CNTN4: variants seen among roughly 807,000 people sequenced by gnomAD.
CNTN4 encodes the protein contactin-4.
In CNTN4, 77 loss-of-function variants were observed where a neutral mutation model predicts 122.5. The observed-to-expected ratio is 0.63, with a 90% CI of 0.52 to 0.76. The LOEUF (loss-of-function observed/expected upper bound fraction) is 0.76. Among genes scored for constraint, CNTN4 ranks in the 30% least tolerant of loss-of-function variants. The pLI, the probability that CNTN4 is intolerant of heterozygous loss-of-function variation, is 0.00. For synonymous variants in CNTN4, 512 were observed against 447.0 expected (o/e 1.15, Z -1.83); for missense variants, 1,256 against 1,259.1 (o/e 1.00, Z 0.04).
At chr3:2,922,009 G>A (rs1468270937) in intron 12 of CNTN4, among the ~76,000 whole-genome samples, 1 of 152,166 alleles carries the variant, frequency 6.6e-6, no homozygotes, top group African/African-American at 2.4e-5. Flanking sequence ...CTCACATGGA[G>A]GAGGACCCAT....
At chr3:2,530,327 T>C in intron 3 of CNTN4, among the ~76,000 whole-genome samples, 1 of 148,050 alleles carries the variant, frequency 6.8e-6, no homozygotes, top group East Asian at 2.0e-4. Context: ...TTTTTTTTTT[T>C]GTGACTGAGT....
At chr3:2,520,532 C>T (rs1473748461) in intron 3 of CNTN4, among the ~76,000 whole-genome samples, 1 of 151,892 alleles carries the variant, frequency 6.6e-6, no homozygotes, top group East Asian at 1.9e-4. Flanking sequence ...CCTCTGCCTC[C>T]CAAAATGCTA....
intron 6 of CNTN4, among the ~76,000 whole-genome samples, chr3:2,808,006 G>C (rs1428662801): frequency 6.6e-6 from 1 of 152,136 alleles, no homozygotes; most frequent in Non-Finnish European, 1.5e-5. Context: ...TCTTTCCTGA[G>C]ACATCGTATC....
chr3:2,494,576 T>A (rs2076404288), intron 3 of CNTN4, among the ~76,000 whole-genome samples: 1 of 152,136 alleles, frequency 6.6e-6, no homozygotes, highest in African/African-American at 2.4e-5. Flanking sequence ...CCTTAAGAGG[T>A]ACCAGACTCT....
chr3:2,603,525 T>TAAA (rs1017601845), intron 4 of CNTN4, among the ~76,000 whole-genome samples: 1 of 152,134 alleles, frequency 6.6e-6, no homozygotes, highest in African/African-American at 2.4e-5. Flanking sequence ...ATTAGGTAAA[T>TAAA]AAAAAGAATG....
At chr3:2,637,480 G>A (rs969189916) in intron 4 of CNTN4, among the ~76,000 whole-genome samples, 1 of 151,924 alleles carries the variant, frequency 6.6e-6, no homozygotes, top group African/African-American at 2.4e-5. Context: ...GCCCTCCTTT[G>A]CCTTATCTCT....
At chr3:2,757,233 G>A (rs534543746) in intron 6 of CNTN4, among the ~76,000 whole-genome samples, 128 of 152,244 alleles carry the variant, frequency 8.4e-4, no homozygotes, top group African/African-American at 3.0e-3. Context: ...AAAATTCAAA[G>A]GGTAACCTTT....
chr3:2,101,369 TTGTC>T (rs2031939461), intron 2 of CNTN4, among the ~76,000 whole-genome samples: 1 of 152,224 alleles, frequency 6.6e-6, no homozygotes. Context: ...TTCTACAAGT[TTGTC>T]TGATCATGAT....
chr3:2,875,353 G>T (rs1320448498), intron 8 of CNTN4, among the ~76,000 whole-genome samples: 2 of 152,120 alleles, frequency 1.3e-5, no homozygotes, highest in African/African-American at 4.8e-5. Flanking sequence ...TGTTATTCTT[G>T]TGATTCAGTA....
At chr3:2,293,306 A>G (rs1349662858) in intron 2 of CNTN4, among the ~76,000 whole-genome samples, 1 of 152,260 alleles carries the variant, frequency 6.6e-6, no homozygotes, top group Non-Finnish European at 1.5e-5. Context: ...CCTGAAGAGT[A>G]AATGAGATAA....
intron 6 of CNTN4, among the ~76,000 whole-genome samples, chr3:2,766,713 C>A (rs913182159): frequency 6.6e-6 from 1 of 152,088 alleles, no homozygotes; most frequent in African/African-American, 2.4e-5. Flanking sequence ...CTCATGTAAC[C>A]AAATACCCCC....
chr3:2,643,732 T>G (rs1576325047), intron 4 of CNTN4, among the ~76,000 whole-genome samples: 1 of 152,294 alleles, frequency 6.6e-6, no homozygotes, highest in East Asian at 1.9e-4. Flanking sequence ...GTCTCCATTC[T>G]GCTTTGTATG....
In CNTN4 at chr3:2,110,341, A is replaced by G. The variant is rs2032843486; in HGVS notation, c.-145+9702A>G. The G allele has an allele frequency of 2.0e-5, 3 of 152,254 alleles. No individual in the cohort carries two copies. The South Asian group carries it at 6.2e-4, about 32-fold the overall frequency. The allele number at this position is 152,254 out of a possible 1,614,324, so 9.4% of individuals were successfully genotyped here. A position where few individuals can be genotyped will look rare whatever the true frequency, so the allele number is the denominator to read the frequency against. ...CATTGAAGACTTTAGGACAGTGTGC[A>G]TGGCACATTGTAAGCATTAGGTAAA... is the stretch of plus-strand genomic sequence containing the variant. On this transcript the variant is annotated intron_variant, in intron 2 of 24. Transcript: ENST00000418658.
At chr3:3,009,012 T>C (rs1696919328) in intron 14 of CNTN4, 1 of 985,234 alleles carries the variant, frequency 1.0e-6, no homozygotes, top group African/African-American at 1.7e-5. Context: ...TGGTATGATC[T>C]GCGGGCTAGA....
intron 2 of CNTN4, among the ~76,000 whole-genome samples, chr3:2,331,898 G>A (rs1190125556): frequency 6.6e-6 from 1 of 152,164 alleles, no homozygotes; most frequent in African/African-American, 2.4e-5. Context: ...GCTGGGCTGC[G>A]GAGTTATCTT....
intron 2 of CNTN4, among the ~76,000 whole-genome samples, chr3:2,125,197 T>C (rs1359319587): frequency 6.6e-6 from 1 of 152,164 alleles, no homozygotes; most frequent in African/African-American, 2.4e-5. Context: ...ATACCTTATA[T>C]AAGTAGAATC....
At chr3:2,121,355 C>G (rs183661164) in intron 2 of CNTN4, among the ~76,000 whole-genome samples, 4 of 152,020 alleles carry the variant, frequency 2.6e-5, no homozygotes, top group East Asian at 1.9e-4. Flanking sequence ...AAAATTAGCC[C>G]GATGTGGTGG....
At chr3:3,041,266 C>T (rs1378148198) in intron 20 of CNTN4, 5 of 152,304 alleles carry the variant, frequency 3.3e-5, no homozygotes, top group African/African-American at 4.8e-5. Context: ...TGCTGCCTCT[C>T]TGTCTGCCTC....
At chr3:2,207,246 A>G (rs532785069) in intron 2 of CNTN4, among the ~76,000 whole-genome samples, 1 of 152,052 alleles carries the variant, frequency 6.6e-6, no homozygotes, top group Non-Finnish European at 1.5e-5. Flanking sequence ...AGGCCGATTA[A>G]TAACCCTCCA....
Sources: allele counts gnomAD v4.1 joint callset (sites outside exome capture counted in the v4.1 genomes callset), GRCh38; gene constraint gnomAD v4.1.1; transcripts MANE v1.5; gene names NCBI Gene and HGNC (gene_info 2026-07-23, HGNC 2026-07-21).